Variants in FRMPD4 observed in about 807,000 individuals in gnomAD.
FRMPD4 encodes the protein FERM and PDZ domain-containing protein 4.
In FRMPD4, 22 loss-of-function variants were observed where a neutral mutation model predicts 94.1. The observed-to-expected ratio is 0.23, with a 90% confidence interval of 0.17 to 0.33. The LOEUF (loss-of-function observed/expected upper bound fraction) is 0.33. FRMPD4 is among the 10% of genes least tolerant of loss of function. The probability of loss-of-function intolerance (pLI) is 1.00; values close to 1 mark genes in which losing one functional copy is unlikely to be tolerated. For synonymous variants in FRMPD4, 631 were observed against 548.6 expected, an observed-to-expected ratio of 1.15 and a Z score of -2.10; for missense variants, 1,111 against 1,339.9, an observed-to-expected ratio of 0.83 and a Z score of 2.67.
intron 3 of FRMPD4, among the ~76,000 whole-genome samples, chrX:12,022,144 T>A (rs2054635218): frequency 8.9e-6 from 1 of 112,624 alleles, no homozygotes; most frequent in Non-Finnish European, 1.9e-5. Flanking sequence ...TGATGCCTAA[T>A]CAATAGTTGG....
intron 1 of FRMPD4, among the ~76,000 whole-genome samples, chrX:12,204,706 C>G (rs1044471912): frequency 9.6e-4 from 107 of 111,241 alleles, no homozygotes; most frequent in African/African-American, 3.2e-3. Context: ...TCATCACTGT[C>G]TTCTTCACCC....
At chrX:11,848,896 G>C (rs5978469) in intron 1 of FRMPD4, among the ~76,000 whole-genome samples, 46,032 of 110,508 alleles carry the variant, frequency 0.42, 7,663 homozygotes, top group African/African-American at 0.62. Context: ...AGATCAGGAA[G>C]AAGAGAAGGA....
At chrX:12,237,928 A>G (rs987227886) in intron 1 of FRMPD4, among the ~76,000 whole-genome samples, 1 of 112,030 alleles carries the variant, frequency 8.9e-6, no homozygotes, top group Non-Finnish European at 1.9e-5. Context: ...TTCAACAGGA[A>G]TTGACAAATT....
At chrX:11,900,781 G>A (rs1341923325) in intron 3 of FRMPD4, among the ~76,000 whole-genome samples, 4 of 111,459 alleles carry the variant, frequency 3.6e-5, no homozygotes, top group African/African-American at 9.8e-5. Context: ...GGTGGTAGTG[G>A]GGGGATGCTG....
At chrX:12,454,814 C>G (rs1222237945) in intron 1 of FRMPD4, among the ~76,000 whole-genome samples, 1 of 46,057 alleles carries the variant, frequency 2.2e-5, no homozygotes, top group African/African-American at 5.5e-5. Flanking sequence ...TAGAAAGCCA[C>G]GTTTTTTTTT....
chrX:12,508,313 G>A (rs1348282307), intron 2 of FRMPD4, among the ~76,000 whole-genome samples: 1 of 108,918 alleles, frequency 9.2e-6, no homozygotes, highest in Non-Finnish European at 1.9e-5. Flanking sequence ...TTAAACTTCA[G>A]TTTCCCACAT....
chrX:12,229,990 T>C (rs1601718190), intron 1 of FRMPD4, among the ~76,000 whole-genome samples: 1 of 111,928 alleles, frequency 8.9e-6, no homozygotes, highest in Middle Eastern at 4.6e-3. Context: ...ACCTTGGATG[T>C]GTCCTCTACC....
At chrX:12,480,552 A>G (rs1215270948) in intron 1 of FRMPD4, among the ~76,000 whole-genome samples, 1 of 111,618 alleles carries the variant, frequency 9.0e-6, no homozygotes. Flanking sequence ...TGTGCTCTAG[A>G]CAAAGCCACT....
At chrX:12,635,005 C>T (rs970953378) in intron 4 of FRMPD4, among the ~76,000 whole-genome samples, 2 of 108,808 alleles carry the variant, frequency 1.8e-5, no homozygotes, top group Admixed American at 9.8e-5. Context: ...GGCTAATTTT[C>T]GTATTTTTAG....
rs761417445 is a variant in FRMPD4, at chrX:12,710,452, G to T, written c.1524G>T (p.Thr508=). Residue 508 remains threonine (T), a synonymous_variant, in exon 14 of 17, where the codon ACG becomes ACT. Coordinates refer to ENST00000675598, the MANE Select transcript of FRMPD4 (RefSeq NM_001368397.1). ...ATGCCATGAACCTGGCCTGCTTGAC[G>T]GCTGGATACTACCGGCTGCTTGTTG... ...SSDAMNLACL[T]AGYYRLLVDS... The T allele has an allele frequency of 3.1e-4, 374 of 1,197,680 alleles. 2 individuals carry two copies. The South Asian group carries it at 6.1e-3, about 20-fold the overall frequency.
chrX:12,525,952 G>C (rs1457804187), intron 2 of FRMPD4, among the ~76,000 whole-genome samples: 1 of 112,719 alleles, frequency 8.9e-6, no homozygotes, highest in African/African-American at 3.2e-5. Flanking sequence ...CTAATTTCAA[G>C]TCTTTTGCCT....
At chrX:12,531,553 C>T (rs977300008) in intron 2 of FRMPD4, among the ~76,000 whole-genome samples, 1 of 111,660 alleles carries the variant, frequency 9.0e-6, no homozygotes, top group Non-Finnish European at 1.9e-5. Flanking sequence ...TGAGATTCCA[C>T]ATTTCTAATA....
At chrX:12,106,581 G>A (rs1379339364) in intron 3 of FRMPD4, among the ~76,000 whole-genome samples, 5 of 111,468 alleles carry the variant, frequency 4.5e-5, no homozygotes, top group African/African-American at 1.6e-4. Context: ...AGCCCACCGA[G>A]CATGAGCTTA....
At chrX:12,133,774 A>G (rs2055573775), upstream of FRMPD4, among the ~76,000 whole-genome samples, 1 of 111,740 alleles carries the variant, frequency 8.9e-6, no homozygotes, top group African/African-American at 3.3e-5. Context: ...GATTCTTGCA[A>G]CAGGCTCCTA....
chrX:11,961,649 G>A (rs764514166), intron 3 of FRMPD4, among the ~76,000 whole-genome samples: 16 of 111,025 alleles, frequency 1.4e-4, no homozygotes, highest in African/African-American at 2.3e-4. Context: ...TTCACTATGC[G>A]GTACCTTCAA....
rs913957107 is a variant in FRMPD4 at position 11,927,841 on chromosome X, C to T, written c.95+49823C>T. Among the ~76,000 whole-genome samples the T allele has an allele frequency of 4.5e-5, 5 of 111,593 alleles. 1 individual carries two copies. Among genetic ancestry groups the T allele is most frequent in the Non-Finnish European group, 9.4e-5 (5 of 53,027 alleles). ...ACCATTGAGGACATAGGCACAGGTA[C>T]AGGTAAAGATTTCATGATGAAGACA... On this transcript the variant is annotated intron_variant, in intron 3 of 18. Coordinates refer to the FRMPD4 transcript ENST00000640291.
chrX:12,451,191 T>A (rs2057265961), intron 1 of FRMPD4, among the ~76,000 whole-genome samples: 1 of 111,490 alleles, frequency 9.0e-6, no homozygotes, highest in African/African-American at 3.3e-5. Context: ...TTTGCTCGGA[T>A]TCCCTCTTCT....
At chrX:12,393,034 C>A (rs1030796028) in intron 1 of FRMPD4, among the ~76,000 whole-genome samples, 3 of 112,386 alleles carry the variant, frequency 2.7e-5, no homozygotes. Flanking sequence ...AAGAAGGGAA[C>A]AAGTTGCATC....
At position 12,443,338 on chromosome X, in the gene FRMPD4, G is replaced by A. The variant is rs373827757; in HGVS notation, c.42-55342G>A. Among the ~76,000 whole-genome samples the A allele has an allele frequency of 5.4e-4, 60 of 112,143 alleles. No homozygotes were observed. The South Asian group carries it at 0.02, about 38-fold the overall frequency. On this transcript the variant is annotated intron_variant, in intron 1 of 16. Coordinates refer to ENST00000675598, the MANE Select transcript of FRMPD4 (RefSeq NM_001368397.1). ...TAGACACATTGATAGGTGAAAAAGT[G>A]CATATGATTTTAATAATGCACTTCA... is the stretch of plus-strand genomic sequence containing the variant.
Sources: gnomAD v4.1 joint callset for allele counts (sites outside exome capture counted in the v4.1 genomes callset) on GRCh38, gnomAD v4.1.1 for gene constraint, MANE v1.5 for transcripts, NCBI Gene and HGNC (gene_info 2026-07-23, HGNC 2026-07-21) for gene names.